Variants in METTL15 observed in about 807,000 individuals in gnomAD.
METTL15 encodes the protein 12S rRNA N(4)-cytidine methyltransferase METTL15.
A neutral mutation model predicts 38.3 loss-of-function variants in METTL15; 34 were observed. The observed-to-expected ratio is 0.89, with a 90% CI of 0.68 to 1.18. The LOEUF is 1.18. Ranked by LOEUF, METTL15 falls within the 50% of genes most tolerant of loss-of-function variation. METTL15 has a pLI of 0.00. For missense variants in METTL15, 438 were observed against 498.4 expected, an observed-to-expected ratio of 0.88 and a Z score of 1.15; for synonymous variants, 162 against 170.9, an observed-to-expected ratio of 0.95 and a Z score of 0.41.
chr11:28,218,873 G>T (rs13239262), intron 4 of METTL15, among the ~76,000 whole-genome samples: 52 of 152,182 alleles, frequency 3.4e-4, no homozygotes, highest in African/African-American at 1.2e-3. Context: ...ATTGATTTGC[G>T]TATATTGAAG....
rs759733766 is a variant in METTL15, at chr11:28,285,954, T to C, written c.408-4252T>C. On this transcript the variant is annotated intron_variant, in intron 4 of 6. Coordinates refer to ENST00000407364, the MANE Select transcript of METTL15 (RefSeq NM_001113528.2). ...GGCCATTGGGATAATGTACACAAAG[T>C]AGTGTAGCTAATCAAAAATCTACCT... Among the ~76,000 whole-genome samples, 4 of 152,256 alleles carry C rather than the reference T, an allele frequency of 2.6e-5. No individual in the cohort carries two copies. In the South Asian group the frequency reaches 6.2e-4, roughly 24 times the overall value.
At chr11:28,174,750 G>A (rs1850990669) in intron 3 of METTL15, among the ~76,000 whole-genome samples, 3 of 149,592 alleles carry the variant, frequency 2.0e-5, no homozygotes, top group African/African-American at 4.9e-5. Flanking sequence ...GGGGGGCGGA[G>A]CTTGCAGTGA....
Position 28,330,437 on chromosome 11 carries a change from C to G in METTL15, c.820C>G (p.Leu274Val), listed in dbSNP as rs1442322447. ...TGCTATTTATACACGGAAAGACTTA[C>G]TACAGCGATCTACCCATATTGCCAC... ...PSAIYTRKDL[L>V]QRSTHIATKT... The change falls in exon 7 of 7, where the codon CTA (leucine) becomes GTA (valine). Residue 274 changes from leucine to valine, a missense_variant. Leu to Val is a conservative substitution (Grantham distance 32, BLOSUM62 1). Coordinates refer to ENST00000407364, the MANE Select transcript of METTL15 (RefSeq NM_001113528.2). The G allele has an allele frequency of 6.4e-7, 1 of 1,551,138 alleles. No homozygotes were observed. The highest frequency in any genetic ancestry group is 1.2e-5 in the South Asian group (1 of 83,914).
At chr11:28,428,820 C>G (rs1243460750) in intron 6 of METTL15, among the ~76,000 whole-genome samples, 2 of 152,100 alleles carry the variant, frequency 1.3e-5, no homozygotes, top group Non-Finnish European at 2.9e-5. Flanking sequence ...TATTTCTTTC[C>G]CAGGACTCTG....
intron 4 of METTL15, among the ~76,000 whole-genome samples, chr11:28,231,110 CT>C (rs1225512934): frequency 1.3e-5 from 2 of 151,856 alleles, no homozygotes; most frequent in African/African-American, 4.8e-5. Flanking sequence ...ATTCCAGACA[CT>C]GTTTTGGGGC....
chr11:28,148,339 C>T (rs1451370161), intron 3 of METTL15, among the ~76,000 whole-genome samples: 3 of 151,844 alleles, frequency 2.0e-5, no homozygotes, highest in Non-Finnish European at 4.4e-5. Context: ...CTGATTGCTT[C>T]AAAGGTACAA....
chr11:28,372,115 G>T (rs1010915269), intron 5 of METTL15, among the ~76,000 whole-genome samples: 3 of 152,002 alleles, frequency 2.0e-5, no homozygotes. Flanking sequence ...TACAATGTTA[G>T]TTGTGAATTG....
intron 4 of METTL15, among the ~76,000 whole-genome samples, chr11:28,260,810 G>T (rs1037303295): frequency 6.6e-6 from 1 of 152,106 alleles, no homozygotes; most frequent in Admixed American, 6.5e-5. Context: ...GTGCTGGCAG[G>T]CTCACTTCTT....
At chr11:28,403,067 C>T (rs1019688702) in intron 5 of METTL15, among the ~76,000 whole-genome samples, 18 of 151,952 alleles carry the variant, frequency 1.2e-4, no homozygotes, top group African/African-American at 4.3e-4. Context: ...GTTCATTGTT[C>T]AGGAGTCAAT....
At chr11:28,240,380 G>T (rs1329432371) in intron 4 of METTL15, among the ~76,000 whole-genome samples, 4 of 152,050 alleles carry the variant, frequency 2.6e-5, no homozygotes, top group African/African-American at 9.7e-5. Flanking sequence ...CTTTTAAATG[G>T]ATTAGACTAT....
intron 4 of METTL15, among the ~76,000 whole-genome samples, chr11:28,236,193 G>T (rs1383662197): frequency 6.6e-6 from 1 of 152,052 alleles, no homozygotes; most frequent in Non-Finnish European, 1.5e-5. Context: ...TTGATGTGCT[G>T]CTGTATTCGG....
intron 4 of METTL15, among the ~76,000 whole-genome samples, chr11:28,282,922 G>A (rs1339886099): frequency 2.0e-5 from 3 of 152,054 alleles, no homozygotes; most frequent in African/African-American, 7.2e-5. Context: ...TTGTTACATA[G>A]CAAAAATTAA....
At chr11:28,327,251 G>A (rs1196860698) in intron 6 of METTL15, among the ~76,000 whole-genome samples, 1 of 152,164 alleles carries the variant, frequency 6.6e-6, no homozygotes, top group Non-Finnish European at 1.5e-5. Flanking sequence ...CAGACATAAT[G>A]CAGGTCAAAA....
intron 3 of METTL15, among the ~76,000 whole-genome samples, chr11:28,140,495 C>T (rs538856159): frequency 6.6e-6 from 1 of 152,212 alleles, no homozygotes; most frequent in Admixed American, 6.5e-5. Context: ...GAGGAGAAGA[C>T]TCAGAAATGA....
At chr11:28,426,195 G>T (rs995728794) in intron 6 of METTL15, among the ~76,000 whole-genome samples, 1 of 152,084 alleles carries the variant, frequency 6.6e-6, no homozygotes, top group Admixed American at 6.5e-5. Flanking sequence ...GAGAACATGC[G>T]GTATTTGGTT....
At chr11:28,366,508 A>C (rs1393951300) in intron 5 of METTL15, among the ~76,000 whole-genome samples, 1 of 152,178 alleles carries the variant, frequency 6.6e-6, no homozygotes, top group Admixed American at 6.5e-5. Flanking sequence ...CATTTTCTGA[A>C]GACTACAACT....
chr11:28,512,608 G>T (rs907181183), intron 6 of METTL15, among the ~76,000 whole-genome samples: 8 of 152,212 alleles, frequency 5.3e-5, no homozygotes, highest in African/African-American at 1.9e-4. Context: ...GGCTGGCAGG[G>T]CTGGCCGGCC....
intron 4 of METTL15, among the ~76,000 whole-genome samples, chr11:28,216,911 A>C (rs1466228088): frequency 5.3e-5 from 8 of 151,554 alleles, no homozygotes; most frequent in Admixed American, 5.3e-4. Flanking sequence ...TTATGGCTGC[A>C]TAGTATTCCA....
chr11:28,246,461 ACT>A lies in METTL15; in HGVS notation c.407+35264_407+35265del, dbSNP rs1854517612. Among the ~76,000 whole-genome samples, 9 of 152,146 alleles carry A rather than the reference ACT, an allele frequency of 5.9e-5. No individual in the cohort carries two copies. In the South Asian group the frequency reaches 1.9e-3, roughly 31 times the overall value. On this transcript the variant is annotated intron_variant, in intron 4 of 6. Coordinates refer to ENST00000407364, the MANE Select transcript of METTL15 (RefSeq NM_001113528.2). The stretch of plus-strand genomic sequence containing the variant: ...GGCTTGGGGGTCATGTGAAAATATT[ACT>A]GAGACATTAGGAGTGCAGTAAGCGA...
Sources: gnomAD v4.1 joint callset for allele counts (sites outside exome capture counted in the v4.1 genomes callset) on GRCh38, gnomAD v4.1.1 for gene constraint, MANE v1.5 for transcripts, NCBI Gene and HGNC (gene_info 2026-07-23, HGNC 2026-07-21) for gene names.